EFCAB11: variants seen among roughly 807,000 people sequenced by gnomAD.
EFCAB11 encodes the protein EF-hand calcium-binding domain-containing protein 11.
In EFCAB11, 14 loss-of-function variants were observed where a neutral mutation model predicts 23.0. That is an observed-to-expected ratio of 0.61 (90% confidence interval 0.40 to 0.95). The LOEUF (loss-of-function observed/expected upper bound fraction) is 0.95, where lower values mean the gene tolerates loss of function less well. Among genes scored for constraint, EFCAB11 ranks in the 40% least tolerant of loss-of-function variants. The probability of loss-of-function intolerance (pLI) is 0.00; values close to 1 mark genes in which losing one functional copy is unlikely to be tolerated. For missense variants in EFCAB11, 198 were observed against 195.8 expected, an observed-to-expected ratio of 1.01 and a Z score of -0.07; for synonymous variants, 65 against 66.6, an observed-to-expected ratio of 0.98 and a Z score of 0.11.
At chr14:89,946,901 T>C (rs8006050) in intron 3 of EFCAB11, among the ~76,000 whole-genome samples, 4,667 of 152,220 alleles carry the variant, frequency 0.031, 110 homozygotes, top group African/African-American at 0.066. Flanking sequence ...TTTATCTTTG[T>C]TCCTATTCAT....
chr14:89,880,186 A>G (rs1888558535), intron 5 of EFCAB11, among the ~76,000 whole-genome samples: 1 of 152,190 alleles, frequency 6.6e-6, no homozygotes, highest in Non-Finnish European at 1.5e-5. Context: ...CCTTCATAAG[A>G]GTAGGTCACA....
chr14:89,891,713 A>C (rs1888971345), intron 5 of EFCAB11, among the ~76,000 whole-genome samples: 1 of 152,160 alleles, frequency 6.6e-6, no homozygotes, highest in African/African-American at 2.4e-5. Context: ...GCACGCGCAC[A>C]CGCACACACC....
chr14:89,932,326 A>G (rs974906201), intron 4 of EFCAB11, among the ~76,000 whole-genome samples, 200 bp downstream of exon 4: 4 of 152,224 alleles, frequency 2.6e-5, no homozygotes, highest in Non-Finnish European at 4.4e-5. Context: ...ATATAACTGT[A>G]AATACTATTT....
chr14:89,896,958 C>T (rs1421840569), intron 5 of EFCAB11, among the ~76,000 whole-genome samples: 1 of 152,082 alleles, frequency 6.6e-6, no homozygotes, highest in Non-Finnish European at 1.5e-5. Flanking sequence ...AACTCCTGGC[C>T]TTGACAGGTC....
Position 89,858,656 on chromosome 14 carries a change from A to ATTTTT in EFCAB11, c.411-61337_411-61333dup, listed in dbSNP as rs10648464. Among the ~76,000 whole-genome samples the ATTTTT allele has an allele frequency of 7.9e-3, 699 of 88,968 alleles. 1 individual carries two copies. Among genetic ancestry groups the ATTTTT allele is most frequent in the Non-Finnish European group, 0.011 (509 of 47,614 alleles). The allele number at this position is 88,968 out of a possible 152,430, so 58.4% of individuals were successfully genotyped here. On this transcript the variant is annotated intron_variant, in intron 5 of 5. Transcript: ENST00000316738. ...AGGTGTGCATCACCACACCCAGCTA[A>ATTTTT]TTTTTTTTTTTTTTTTTTTTTTTTG...
At chr14:89,835,784 C>A (rs765516687) in intron 5 of EFCAB11, among the ~76,000 whole-genome samples, 7 of 152,000 alleles carry the variant, frequency 4.6e-5, no homozygotes, top group African/African-American at 1.7e-4. Context: ...TCCACCACCA[C>A]GCCCAGCTAA....
At chr14:89,870,226 T>G (rs933969025) in intron 5 of EFCAB11, among the ~76,000 whole-genome samples, 8 of 152,154 alleles carry the variant, frequency 5.3e-5, no homozygotes, top group Middle Eastern at 6.8e-3. Flanking sequence ...CTAAAATAAT[T>G]TTAAAATAAT....
chr14:89,840,456 C>A (rs964163241), intron 5 of EFCAB11, among the ~76,000 whole-genome samples: 1 of 152,232 alleles, frequency 6.6e-6, no homozygotes, highest in African/African-American at 2.4e-5. Context: ...TCCTCTGATG[C>A]AGAACACAGC....
At chr14:89,893,628 C>T (rs1489075080) in intron 5 of EFCAB11, among the ~76,000 whole-genome samples, 1 of 151,976 alleles carries the variant, frequency 6.6e-6, no homozygotes, top group African/African-American at 2.4e-5. Flanking sequence ...AAGTCAAACC[C>T]AACTTTATCA....
At chr14:89,861,035 A>C (rs1887904189) in intron 5 of EFCAB11, among the ~76,000 whole-genome samples, 1 of 151,924 alleles carries the variant, frequency 6.6e-6, no homozygotes, top group African/African-American at 2.4e-5. Flanking sequence ...CCAAACTCAG[A>C]CCTCTTATTT....
At chr14:89,883,080 G>T (rs191763097) in intron 5 of EFCAB11, among the ~76,000 whole-genome samples, 1 of 151,998 alleles carries the variant, frequency 6.6e-6, no homozygotes, top group South Asian at 2.1e-4. Flanking sequence ...GAAGAAATCT[G>T]AGGCCTCACC....
chr14:89,868,830 C>A (rs1888178399), intron 5 of EFCAB11, among the ~76,000 whole-genome samples: 1 of 152,182 alleles, frequency 6.6e-6, no homozygotes, highest in African/African-American at 2.4e-5. Flanking sequence ...AGGAAAATGA[C>A]ATATCCTTCG....
At chr14:89,948,498 AAAGGAAATCAAC>A (rs1266449518) in intron 3 of EFCAB11, among the ~76,000 whole-genome samples, 4 of 152,226 alleles carry the variant, frequency 2.6e-5, no homozygotes, top group South Asian at 4.1e-4. Context: ...TACCCAAAAG[AAAGGAAATCAAC>A]ATATGGAAGA....
chr14:89,954,510 A>G (rs1891364890), intron 1 of EFCAB11, 76 bp downstream of exon 1: 2 of 1,580,068 alleles, frequency 1.3e-6, no homozygotes, highest in African/African-American at 1.4e-5. Flanking sequence ...GCAGAGTGAG[A>G]CCCAGACACG....
At chr14:89,834,096 T>G (rs1187553501) in intron 5 of EFCAB11, among the ~76,000 whole-genome samples, 1 of 151,678 alleles carries the variant, frequency 6.6e-6, no homozygotes, top group Non-Finnish European at 1.5e-5. Flanking sequence ...GGCTCACACC[T>G]GTAATCCCAG....
intron 5 of EFCAB11, among the ~76,000 whole-genome samples, chr14:89,828,340 A>G (rs1450828319): frequency 1.3e-5 from 2 of 152,238 alleles, no homozygotes; most frequent in Non-Finnish European, 2.9e-5. Flanking sequence ...TTAGCTGATT[A>G]GAGCAATAAT....
intron 5 of EFCAB11, among the ~76,000 whole-genome samples, chr14:89,882,167 T>G (rs1888621248): frequency 6.6e-6 from 1 of 152,190 alleles, no homozygotes; most frequent in Non-Finnish European, 1.5e-5. Flanking sequence ...GTTGAAAAAC[T>G]TCCTGGGTGC....
At chr14:89,881,239 C>T (rs758021622) in intron 5 of EFCAB11, among the ~76,000 whole-genome samples, 3 of 151,446 alleles carry the variant, frequency 2.0e-5, no homozygotes, top group Non-Finnish European at 4.4e-5. Flanking sequence ...ATATCCCCAA[C>T]TGCCTAGCTC....
At chr14:89,909,666 A>C (rs901303210) in intron 5 of EFCAB11, among the ~76,000 whole-genome samples, 1 of 151,872 alleles carries the variant, frequency 6.6e-6, no homozygotes, top group Non-Finnish European at 1.5e-5. Flanking sequence ...TAAAGTCTGA[A>C]CTCTTACAAG....
Sources: allele counts gnomAD v4.1 joint callset (sites outside exome capture counted in the v4.1 genomes callset), GRCh38; gene constraint gnomAD v4.1.1; transcripts MANE v1.5; gene names NCBI Gene and HGNC (gene_info 2026-07-23, HGNC 2026-07-21).